CHD8: variants seen among roughly 807,000 people sequenced by gnomAD.
CHD8 encodes chromodomain helicase DNA binding protein 8, also known as ATP-dependent chromatin remodeler CHD8.
CHD8 carries 31 observed loss-of-function variants against 279.2 expected under a neutral mutation model. The ratio of observed to expected loss-of-function variants is 0.11; its 90% CI spans 0.08 to 0.15. The LOEUF is 0.15. Among genes scored for constraint, CHD8 ranks in the 10% least tolerant of loss-of-function variants. The probability of loss-of-function intolerance (pLI) is 1.00; values close to 1 mark genes in which losing one functional copy is unlikely to be tolerated. For missense variants in CHD8, 2,146 were observed against 3,230.5 expected, an observed-to-expected ratio of 0.66 and a Z score of 8.14; for synonymous variants, 1,081 against 1,139.6, an observed-to-expected ratio of 0.95 and a Z score of 1.04.
rs769647344 is a variant in CHD8, at chr14:21,429,099, C to T, written c.1080G>A (p.Ser360=). The T allele has an allele frequency of 2.2e-5, 35 of 1,613,768 alleles. No homozygotes were observed. The African/African-American group carries it at 4.3e-4, about 20-fold the overall frequency. The change falls in exon 3 of 38, where the codon TCG becomes TCA. Residue 360 remains serine (S), a synonymous_variant. Coordinates refer to ENST00000646647, the MANE Select transcript of CHD8 (RefSeq NM_001170629.2). ...AGGGTGGCTGCTGGGGCTGTGGCTGCGATGATGGTGGTTGTGGTACAATCT... is the reference window on the plus strand; with the variant it reads ...AGGGTGGCTGCTGGGGCTGTGGCTGTGATGATGGTGGTTGTGGTACAATCT... The part of the protein sequence containing the change: ...KIQIVPQPPS[S]QPQPQQPPST...
rs1383313964 is a variant in CHD8, at chr14:21,393,473, CACTT to C, written c.6318_6319+2del. The C allele has an allele frequency of 6.4e-7, 1 of 1,558,276 alleles. No homozygotes were observed. ...GGGCCAACAGCCTGTCACATGCACTCACTTAGCTTCTCTTCCTTCTCATCCTCAC... is the reference window on the plus strand; with the variant it reads ...GGGCCAACAGCCTGTCACATGCACTCAGCTTCTCTTCCTTCTCATCCTCAC... On this transcript the variant is annotated splice_donor_variant and coding_sequence_variant, in exon 32 of 38. Transcript: ENST00000646647. LOFTEE classifies it high-confidence loss of function.
At chr14:21,399,931 T>G in intron 25 of CHD8, 50 bp downstream of exon 25, 1 of 1,427,338 alleles carries the variant, frequency 7.0e-7, no homozygotes, top group Non-Finnish European at 9.9e-7. Flanking sequence ...AAACCAATCT[T>G]CCCTCAAATA....
At chr14:21,416,024 A>C in intron 5 of CHD8, 117 bp from the exon 6 acceptor site, 1 of 804,604 alleles carries the variant, frequency 1.2e-6, no homozygotes, top group Non-Finnish European at 2.0e-6. Context: ...ATGAAAAATC[A>C]GACCAAAAGA....
chr14:21,441,736 A>C (rs976929425), intron 1 of CHD8, among the ~76,000 whole-genome samples: 3 of 152,026 alleles, frequency 2.0e-5, no homozygotes, highest in Non-Finnish European at 4.4e-5. Flanking sequence ...AAAATACAAA[A>C]AAATTAGCTG....
In CHD8 at chr14:21,392,638, G is replaced by A. The variant is rs780618366; in HGVS notation, c.6640C>T (p.Pro2214Ser). Residue 2214 changes from proline to serine, a missense_variant, in exon 34 of 38, where the codon CCC becomes TCC. Around this residue, in one of 26 missense-constraint regions of CHD8, gnomAD observed 513 missense variants for 637.6 expected, o/e 0.80. Coordinates refer to ENST00000646647, the MANE Select transcript of CHD8 (RefSeq NM_001170629.2). ...TPGEYGDSPVPTPRSSSAASM... is the reference protein window; with the variant it reads ...TPGEYGDSPVSTPRSSSAASM... ...GCTGCACTACTACTTCGTGGTGTGG[G>A]GACTGGAGAGTCACCATATTCTCCA... is the stretch of plus-strand genomic sequence containing the variant. 13 of 1,613,844 alleles carry A rather than the reference G, an allele frequency of 8.1e-6. No individual in the cohort carries two copies. Among genetic ancestry groups the A allele is most frequent in the Non-Finnish European group, 1.1e-5 (13 of 1,179,894 alleles).
Position 21,452,197 on chromosome 14 carries a change from C to T in CHD8, c.-216+3835G>A, listed in dbSNP as rs953580397. ...CTGGGCCTACAGGACCACGCCACCA[C>T]GCCCAGCTAATTTTTGTATTTTTTT... is the stretch of plus-strand genomic sequence containing the variant. On this transcript the variant is annotated intron_variant, in intron 1 of 37. Coordinates refer to ENST00000646647, the MANE Select transcript of CHD8 (RefSeq NM_001170629.2). Among the ~76,000 whole-genome samples, 5 of 152,234 alleles carry T rather than the reference C, an allele frequency of 3.3e-5. 1 individual carries two copies. The South Asian group carries it at 8.3e-4, about 25-fold the overall frequency.
chr14:21,437,382 T>TC (rs1220198661), intron 1 of CHD8: 10 of 482,402 alleles, frequency 2.1e-5, no homozygotes, highest in Non-Finnish European at 2.2e-5. Context: ...GGAGCTCCCT[T>TC]CCCCCTCCCC....
chr14:21,453,922 G>A (rs1422857006), intron 1 of CHD8, among the ~76,000 whole-genome samples: 3 of 151,542 alleles, frequency 2.0e-5, no homozygotes, highest in Non-Finnish European at 2.9e-5. Context: ...TCGGGAGGCC[G>A]AGGCGGGAGG....
At position 21,430,934 on chromosome 14, in the gene CHD8, C is replaced by G; in HGVS notation, c.710G>C (p.Arg237Pro). 1 of 1,599,474 alleles carries G rather than the reference C, an allele frequency of 6.3e-7. No individual in the cohort carries two copies. The highest frequency in any genetic ancestry group is 8.5e-7 in the Non-Finnish European group (1 of 1,179,766). ...TACTGGTCGGCTGGGCTGGACAATG[C>G]GCTGAACAGCAGCCTGGTTCCCAGG... Reference protein sequence around the residue: ...KVPGNQAAVQRIVQPSRPVKQ... With the variant: ...KVPGNQAAVQPIVQPSRPVKQ... Residue 237 changes from arginine to proline, a missense_variant, in exon 2 of 38, where the codon CGC becomes CCC. By Grantham distance (103) the Arg-to-Pro change is moderately radical (BLOSUM62 -2). Coordinates refer to ENST00000646647, the MANE Select transcript of CHD8 (RefSeq NM_001170629.2).
At chr14:21,435,773 T>C (rs1435747266) in intron 1 of CHD8, among the ~76,000 whole-genome samples, 1 of 152,206 alleles carries the variant, frequency 6.6e-6, no homozygotes, top group Non-Finnish European at 1.5e-5. Flanking sequence ...AGGCTATTTA[T>C]ATTTATTAAC....
chr14:21,395,755 G>C (rs1172674606), intron 28 of CHD8, 62 bp downstream of exon 28: 9 of 921,360 alleles, frequency 9.8e-6, no homozygotes, highest in Admixed American at 2.2e-5. Context: ...TTCAGAGAAT[G>C]GTTGAAGACT....
chr14:21,389,428 T>C (rs1362240464), intron 37 of CHD8, among the ~76,000 whole-genome samples: 1 of 152,034 alleles, frequency 6.6e-6, no homozygotes, highest in Admixed American at 6.6e-5. Flanking sequence ...CTGGCCAACA[T>C]GGCAAAACCT....
intron 37 of CHD8, among the ~76,000 whole-genome samples, chr14:21,390,255 G>T (rs941511865): frequency 4.6e-5 from 7 of 152,060 alleles, no homozygotes; most frequent in Admixed American, 6.6e-5. Flanking sequence ...GAAAACTTAA[G>T]AAATTGCTTT....
chr14:21,395,983 C>A, intron 27 of CHD8, 91 bp from the exon 28 acceptor site: 1 of 818,294 alleles, frequency 1.2e-6, no homozygotes, highest in Admixed American at 2.0e-5. Flanking sequence ...CACATATATC[C>A]AGCATGAAAT....
intron 7 of CHD8, 29 bp downstream of exon 7, chr14:21,415,545 A>ATAAATAAT: frequency 2.7e-6 from 3 of 1,117,602 alleles, no homozygotes; most frequent in East Asian, 3.1e-5. Context: ...AAATAAATAA[A>ATAAATAAT]AATAATAATA....
rs1425081710 is a variant in CHD8 at position 21,400,336 on chromosome 14, G to T, written c.4571-29C>A. The T allele has an allele frequency of 2.5e-6, 4 of 1,612,058 alleles. No individual in the cohort carries two copies. ...GGAAAGGGGAGACATCAAAGACTTG[G>T]ATTGAGAAAAACCCTTGGACCTGAA... On this transcript the variant is annotated intron_variant, in intron 23 of 37. Transcript: ENST00000646647. This position sits in a 1 kb window ranked among gnomAD's most constrained non-coding sequence, Gnocchi z 4.2.
At position 21,408,585 on chromosome 14, in the gene CHD8, G is replaced by T; in HGVS notation, c.2487-30C>A. 2 of 1,589,908 alleles carry T rather than the reference G, an allele frequency of 1.3e-6. No homozygotes were observed. On this transcript the variant is annotated intron_variant, in intron 12 of 37. Coordinates refer to ENST00000646647, the MANE Select transcript of CHD8 (RefSeq NM_001170629.2). This position sits in a 1 kb window ranked among gnomAD's most constrained non-coding sequence, Gnocchi z 4.3. The stretch of plus-strand genomic sequence containing the variant: ...AGATTCACCATGGGAAAAAAAAAAT[G>T]TTAAAAGATACTATCTTTAAAAAAA...
chr14:21,435,049 A>G (rs1889723379), intron 1 of CHD8, among the ~76,000 whole-genome samples: 1 of 152,194 alleles, frequency 6.6e-6, no homozygotes, highest in Non-Finnish European at 1.5e-5. Flanking sequence ...ACCAACTTTT[A>G]TCATATTAAG....
Position 21,395,029 on chromosome 14 carries a change from C to T in CHD8, c.5273G>A (p.Arg1758His), listed in dbSNP as rs755975357. Residue 1758 changes from arginine (R) to histidine (H), a missense_variant, in exon 30 of 38, where the codon CGC becomes CAC. Coordinates refer to ENST00000646647, the MANE Select transcript of CHD8 (RefSeq NM_001170629.2). ...CTTCATTTGTTCTCTCTTGTAGCTG[C>T]GCTGATACGCTGTTACTAGACGCCG... ...RLRRLVTAYQ[R>H]SYKREQMKIE... 2 of 1,614,024 alleles carry T rather than the reference C, an allele frequency of 1.2e-6. No homozygotes were observed. The highest frequency in any genetic ancestry group is 1.7e-5 in the Admixed American group (1 of 60,016).
Sources: allele counts gnomAD v4.1 joint callset (sites outside exome capture counted in the v4.1 genomes callset), GRCh38; gene constraint gnomAD v4.1.1; regional missense constraint gnomAD v4.1.1; non-coding constraint Gnocchi (gnomAD v3.1); transcripts MANE v1.5; gene names NCBI Gene and HGNC (gene_info 2026-07-23, HGNC 2026-07-21).